The following RGS12 variants were observed in gnomAD, a reference collection of about 807,000 sequenced individuals.
RGS12 encodes regulator of G-protein signaling 12.
In RGS12, 66 loss-of-function variants were observed where a neutral mutation model predicts 120.1. The ratio of observed to expected loss-of-function variants is 0.55; its 90% CI spans 0.45 to 0.67. The LOEUF (loss-of-function observed/expected upper bound fraction) is 0.67. RGS12 is among the 30% of genes least tolerant of loss of function. RGS12 has a pLI of 0.00. For missense variants in RGS12, 1,859 were observed against 1,957.7 expected (o/e 0.95, Z 0.95); for synonymous variants, 827 against 804.7 (o/e 1.03, Z -0.47).
At chr4:3,422,741 C>T (rs1723159789) in intron 11 of RGS12, among the ~76,000 whole-genome samples, 164 bp from the exon 12 acceptor site, 1 of 152,260 alleles carries the variant, frequency 6.6e-6, no homozygotes, top group African/African-American at 2.4e-5. Context: ...GAGCACTTTG[C>T]ACGTGGGTGC....
At chr4:3,370,956 T>C (rs1232655873) in intron 3 of RGS12, among the ~76,000 whole-genome samples, 5 of 152,258 alleles carry the variant, frequency 3.3e-5, no homozygotes, top group African/African-American at 1.2e-4. Context: ...GAAGTCTTAG[T>C]AATTACTGGG....
intron 15 of RGS12, 144 bp from the exon 16 acceptor site, chr4:3,428,414 A>T: frequency 1.2e-6 from 1 of 801,620 alleles, no homozygotes. Flanking sequence ...TGTAATCCTT[A>T]TCATTGCAAT....
intron 4 of RGS12, among the ~76,000 whole-genome samples, chr4:3,412,466 C>A (rs1560158341): frequency 1.3e-5 from 2 of 152,262 alleles, no homozygotes; most frequent in Non-Finnish European, 2.9e-5. Context: ...CCCCTGGCCC[C>A]TTGCTGATAA....
rs773754044 is a variant in RGS12 at position 3,413,855 on chromosome 4, C to A, written c.2021-217C>A. 5 of 536,382 alleles carry A rather than the reference C, an allele frequency of 9.3e-6. No homozygotes were observed. In the East Asian group the frequency reaches 1.4e-4, roughly 15 times the overall value. The allele number at this position is 536,382 out of a possible 1,614,324, so 33.2% of individuals were successfully genotyped here. A position where few individuals can be genotyped will look rare whatever the true frequency, so the allele number is the denominator to read the frequency against. On this transcript the variant is annotated intron_variant, in intron 4 of 17. Transcript: ENST00000336727. ...GTGCTCGTGCACACACATGTGCAGC[C>A]GCTCAAGGTTGGGGTCTGTGTTTTG...
intron 3 of RGS12, among the ~76,000 whole-genome samples, chr4:3,382,324 C>G (rs902719068): frequency 3.3e-5 from 5 of 152,202 alleles, no homozygotes; most frequent in Admixed American, 3.3e-4. Context: ...CTTCCTGATG[C>G]TGAGACAAGC....
At chr4:3,386,521 T>A in intron 4 of RGS12, 84 bp downstream of exon 4, 1 of 1,211,660 alleles carries the variant, frequency 8.3e-7, no homozygotes, top group Non-Finnish European at 1.2e-6. Context: ...TTTGATGCCC[T>A]CAGGAAGGAC....
intron 1 of RGS12, among the ~76,000 whole-genome samples, chr4:3,315,828 C>T (rs1278999553): frequency 6.6e-6 from 1 of 152,214 alleles, no homozygotes; most frequent in Non-Finnish European, 1.5e-5. Context: ...TGCATCCTCA[C>T]ACCCGTGGCA....
chr4:3,291,154 T>G (rs1022527847), upstream of RGS12, among the ~76,000 whole-genome samples: 1 of 152,210 alleles, frequency 6.6e-6, no homozygotes. Flanking sequence ...AGAAGAGACC[T>G]GCAGGTGGTG....
chr4:3,386,314 C>A, intron 3 of RGS12, 102 bp from the exon 4 acceptor site: 1 of 1,134,824 alleles, frequency 8.8e-7, no homozygotes, highest in Non-Finnish European at 1.3e-6. Flanking sequence ...CCTCTGAGAA[C>A]CTCCCAGAGT....
chr4:3,346,437 C>T (rs1485992069), intron 3 of RGS12, among the ~76,000 whole-genome samples: 2 of 152,172 alleles, frequency 1.3e-5, no homozygotes, highest in African/African-American at 4.8e-5. Flanking sequence ...ATGAAGCTGT[C>T]GGCTTCTAGT....
chr4:3,404,231 T>A (rs1008448803), intron 4 of RGS12, among the ~76,000 whole-genome samples: 4 of 152,206 alleles, frequency 2.6e-5, no homozygotes, highest in Non-Finnish European at 5.9e-5. Context: ...ACAGACATGC[T>A]CAAGGCCATG....
At chr4:3,393,557 G>T (rs1302080548) in intron 4 of RGS12, among the ~76,000 whole-genome samples, 1 of 152,176 alleles carries the variant, frequency 6.6e-6, no homozygotes, top group Non-Finnish European at 1.5e-5. Context: ...GCTCTGGGTG[G>T]TCACAGGGCT....
rs539874792 is a variant in RGS12, at chr4:3,408,028, T to C, written c.2021-6044T>C. ...AACTGGACCGTGTTCTCTAAGGTGGTGTTGGGATGTGGGCTGTGTTTTGTG... is the reference window on the plus strand; with the variant it reads ...AACTGGACCGTGTTCTCTAAGGTGGCGTTGGGATGTGGGCTGTGTTTTGTG... On this transcript the variant is annotated intron_variant, in intron 4 of 17. Coordinates refer to ENST00000336727, the MANE Select transcript of RGS12 (RefSeq NM_001394154.1). 1.4e-3 allele frequency among the ~76,000 whole-genome samples: 207 copies of C among 152,190 alleles called. 1 individual carries two copies. The highest frequency in any genetic ancestry group is 2.4e-3 in the Non-Finnish European group (163 of 67,994).
rs370480649 is a variant in RGS12, at chr4:3,316,918, G to T, written c.748G>T (p.Asp250Tyr). ...TTCCACGAGCTCCAACCTGGAGTCC[G>T]ACAGCTTGCAAGCCATCCGCGGCTG... Reference protein sequence around the residue: ...LPSTSSNLESDSLQAIRGCMR... With the variant: ...LPSTSSNLESYSLQAIRGCMR... Residue 250 changes from aspartate to tyrosine, a missense_variant, in exon 2 of 18, where the codon GAC becomes TAC. Asp to Tyr is a radical substitution (Grantham distance 160). Transcript: ENST00000336727. 3.7e-6 allele frequency: 6 copies of T among 1,613,950 alleles called. No homozygotes were observed. The highest frequency in any genetic ancestry group is 4.5e-5 in the East Asian group (2 of 44,888).
chr4:3,311,016 G>A (rs1193819065), intron 1 of RGS12, among the ~76,000 whole-genome samples: 1 of 152,220 alleles, frequency 6.6e-6, no homozygotes, highest in East Asian at 1.9e-4. Context: ...TCCTCAGAGC[G>A]ATGATGGTGT....
intron 1 of RGS12, among the ~76,000 whole-genome samples, chr4:3,307,652 C>T (rs1020255418): frequency 6.6e-5 from 10 of 152,340 alleles, no homozygotes; most frequent in East Asian, 1.9e-4. Context: ...TGCCCTGGGC[C>T]GTGGGTGTGC....
At chr4:3,362,324 C>T (rs1395995759) in intron 3 of RGS12, among the ~76,000 whole-genome samples, 3 of 152,104 alleles carry the variant, frequency 2.0e-5, no homozygotes, top group Non-Finnish European at 2.9e-5. Flanking sequence ...TGTGTCGCCT[C>T]ATGTCATGAA....
Position 3,422,970 on chromosome 4 carries a change from C to T in RGS12, c.3099C>T (p.Thr1033=), listed in dbSNP as rs1326365616. 2 of 1,612,780 alleles carry T rather than the reference C, an allele frequency of 1.2e-6. No individual in the cohort carries two copies. Among genetic ancestry groups the T allele is most frequent in the East Asian group, 2.2e-5 (1 of 44,872 alleles). Reference sequence around the variant, plus strand: ...GGGACCTGCGCCTAGAAAAGCGCACCTTGTTTCGGTAAGAGGAAGATCGCT... The same window carrying T: ...GGGACCTGCGCCTAGAAAAGCGCACTTTGTTTCGGTAAGAGGAAGATCGCT... ...ESRDLRLEKR[T]LFRLDLVPIN... is the part of the protein sequence containing the mutation. The change falls in exon 12 of 18, where the codon ACC becomes ACT. Residue 1033 remains threonine, a synonymous_variant. Coordinates refer to ENST00000336727, the MANE Select transcript of RGS12 (RefSeq NM_001394154.1).
At chr4:3,338,519 C>A (rs1370991246) in intron 2 of RGS12, among the ~76,000 whole-genome samples, 2 of 152,262 alleles carry the variant, frequency 1.3e-5, no homozygotes, top group African/African-American at 4.8e-5. Flanking sequence ...ACCGGCCGTC[C>A]CTTGGGACCC....
Sources: gnomAD v4.1 joint callset for allele counts (sites outside exome capture counted in the v4.1 genomes callset) on GRCh38, gnomAD v4.1.1 for gene constraint, MANE v1.5 for transcripts, NCBI Gene and HGNC (gene_info 2026-07-23, HGNC 2026-07-21) for gene names.